The following ATP2B2 variants were observed in gnomAD, a reference collection of about 807,000 sequenced individuals.
ATP2B2 encodes the protein plasma membrane calcium-transporting ATPase 2.
In ATP2B2, 15 loss-of-function variants were observed where a neutral mutation model predicts 120.0. The observed-to-expected ratio is 0.12, with a 90% CI of 0.08 to 0.19. The LOEUF (loss-of-function observed/expected upper bound fraction) is 0.19, where lower values mean the gene tolerates loss of function less well. Ranked by LOEUF, ATP2B2 falls within the 10% of genes least tolerant of loss-of-function variation. The pLI is 1.00. For missense variants in ATP2B2, 1,045 were observed against 1,719.8 expected (o/e 0.61, Z 6.94); for synonymous variants, 694 against 700.3 (o/e 0.99, Z 0.14).
At chr3:10,636,410 C>G (rs1404820958) in intron 1 of ATP2B2, among the ~76,000 whole-genome samples, 1 of 152,080 alleles carries the variant, frequency 6.6e-6, no homozygotes, top group East Asian at 1.9e-4. Context: ...TCACTCAGGC[C>G]AAGGGGGCTG....
chr3:10,372,146 G>T, intron 11 of ATP2B2, 95 bp from the exon 12 acceptor site: 1 of 1,553,140 alleles, frequency 6.4e-7, no homozygotes, highest in South Asian at 1.1e-5. Context: ...AGTAAATAAG[G>T]CAGAGCCACC....
chr3:10,486,366 C>T (rs1425992443), intron 1 of ATP2B2, among the ~76,000 whole-genome samples: 2 of 117,748 alleles, frequency 1.7e-5, no homozygotes, highest in Admixed American at 1.9e-4. Context: ...TGTGTCTCAG[C>T]CCTGCATAAG....
At position 10,326,687 on chromosome 3, in the gene ATP2B2, C is replaced by T; in HGVS notation, c.*2127G>A. Reference sequence around the variant, plus strand: ...TCACCCCTTTGGTTATGCAGTTCCTCTCCTGGATACATTCAGAGATACTTC... The same window carrying T: ...TCACCCCTTTGGTTATGCAGTTCCTTTCCTGGATACATTCAGAGATACTTC... On this transcript the variant is annotated 3_prime_UTR_variant, in exon 23 of 23. Coordinates refer to ENST00000360273, the MANE Select transcript of ATP2B2 (RefSeq NM_001001331.4). 2.5e-6 allele frequency: 1 copy of T among 399,078 alleles called. No homozygotes were observed. The highest frequency in any genetic ancestry group is 3.6e-5 in the East Asian group (1 of 28,078). 24.7% of individuals were successfully genotyped at this position (399,078 alleles called of 1,614,324 possible).
intron 2 of ATP2B2, among the ~76,000 whole-genome samples, chr3:10,571,187 C>T (rs2068117622): frequency 6.6e-6 from 1 of 152,162 alleles, no homozygotes; most frequent in Non-Finnish European, 1.5e-5. Context: ...CAGAATATTC[C>T]CCAAACCAAC....
At chr3:10,364,166 T>C (rs1449994023) in intron 12 of ATP2B2, among the ~76,000 whole-genome samples, 1 of 152,130 alleles carries the variant, frequency 6.6e-6, no homozygotes, top group Non-Finnish European at 1.5e-5. Flanking sequence ...CTTTTATGAG[T>C]TACTGGAGCA....
chr3:10,572,184 G>A (rs1203039565), intron 2 of ATP2B2, among the ~76,000 whole-genome samples: 7 of 152,312 alleles, frequency 4.6e-5, no homozygotes, highest in African/African-American at 9.6e-5. Flanking sequence ...TCAGCTGCCC[G>A]CTGGCCCATC....
chr3:10,586,352 C>T (rs763115896), intron 2 of ATP2B2, among the ~76,000 whole-genome samples: 14 of 152,354 alleles, frequency 9.2e-5, no homozygotes, highest in Non-Finnish European at 1.6e-4. Context: ...AGGCCAGGAG[C>T]TTTCCTTGGG....
intron 10 of ATP2B2, among the ~76,000 whole-genome samples, chr3:10,376,312 G>A (rs1469188160): frequency 2.0e-5 from 3 of 151,968 alleles, no homozygotes; most frequent in African/African-American, 7.3e-5. Flanking sequence ...GGGGTAGGGA[G>A]TGGTTACTTT....
intron 1 of ATP2B2, among the ~76,000 whole-genome samples, chr3:10,493,110 A>G (rs1019897427): frequency 6.6e-6 from 1 of 152,234 alleles, no homozygotes; most frequent in Non-Finnish European, 1.5e-5. Flanking sequence ...AGTGAATGAG[A>G]CAGATATGCT....
chr3:10,493,385 G>C (rs1164301125), intron 1 of ATP2B2, among the ~76,000 whole-genome samples: 1 of 152,014 alleles, frequency 6.6e-6, no homozygotes, highest in African/African-American at 2.4e-5. Flanking sequence ...CATGTGCAAA[G>C]GCCCTGAGAC....
At chr3:10,363,895 T>C (rs755047850) in intron 12 of ATP2B2, among the ~76,000 whole-genome samples, 4 of 152,138 alleles carry the variant, frequency 2.6e-5, no homozygotes, top group Non-Finnish European at 5.9e-5. Flanking sequence ...CCCCAAATAA[T>C]TGAAAACAGG....
chr3:10,396,763 T>G (rs1575114691), intron 5 of ATP2B2, among the ~76,000 whole-genome samples: 1 of 151,774 alleles, frequency 6.6e-6, no homozygotes, highest in African/African-American at 2.4e-5. Flanking sequence ...AGGGGAGACA[T>G]TTGAGATGAA....
chr3:10,520,778 T>C (rs2066970245), intron 3 of ATP2B2, among the ~76,000 whole-genome samples: 1 of 152,134 alleles, frequency 6.6e-6, no homozygotes, highest in African/African-American at 2.4e-5. Flanking sequence ...TTTCTTTTTT[T>C]TCTTTGCCTA....
chr3:10,615,868 A>G (rs1178589369), intron 2 of ATP2B2, among the ~76,000 whole-genome samples: 1 of 151,982 alleles, frequency 6.6e-6, no homozygotes, highest in Non-Finnish European at 1.5e-5. Flanking sequence ...TTCAGGATGA[A>G]CTATTTTGCT....
At chr3:10,623,327 G>C (rs1408822181) in intron 1 of ATP2B2, among the ~76,000 whole-genome samples, 1 of 152,102 alleles carries the variant, frequency 6.6e-6, no homozygotes. Flanking sequence ...TGAAGTGCTG[G>C]GAATATAGGC....
intron 1 of ATP2B2, among the ~76,000 whole-genome samples, chr3:10,494,502 C>T (rs2066062923): frequency 6.6e-6 from 1 of 152,198 alleles, no homozygotes; most frequent in African/African-American, 2.4e-5. Flanking sequence ...CCTGTGCCTT[C>T]TCCTCCAGTT....
At chr3:10,474,984 G>A (rs760956311) in intron 1 of ATP2B2, among the ~76,000 whole-genome samples, 7 of 152,212 alleles carry the variant, frequency 4.6e-5, no homozygotes, top group African/African-American at 7.2e-5. Context: ...ACCACCCCAC[G>A]TCTGAAACGT....
chr3:10,569,981 C>T (rs1367182454), intron 2 of ATP2B2: 1 of 152,232 alleles, frequency 6.6e-6, no homozygotes, highest in East Asian at 1.9e-4. Context: ...TAGCCTGGGG[C>T]CATTTTGATG....
chr3:10,362,653 G>A (rs1011619124), intron 12 of ATP2B2, among the ~76,000 whole-genome samples: 2 of 152,170 alleles, frequency 1.3e-5, no homozygotes, highest in Non-Finnish European at 2.9e-5. Flanking sequence ...GCAAGGCTCA[G>A]AGCACCTCCC....
Sources: gnomAD v4.1 joint callset for allele counts (sites outside exome capture counted in the v4.1 genomes callset) on GRCh38, gnomAD v4.1.1 for gene constraint, MANE v1.5 for transcripts, NCBI Gene and HGNC (gene_info 2026-07-23, HGNC 2026-07-21) for gene names.